AMPD3: variants seen among roughly 807,000 people sequenced by gnomAD.
AMPD3 encodes adenosine monophosphate deaminase 3, also known as AMP deaminase 3.
A neutral mutation model predicts 82.3 loss-of-function variants in AMPD3; 57 were observed. The observed-to-expected ratio is 0.69, with a 90% CI of 0.56 to 0.86. The LOEUF (loss-of-function observed/expected upper bound fraction) is 0.86, where lower values mean the gene tolerates loss of function less well. AMPD3 is among the 40% of genes least tolerant of loss of function. AMPD3 has a pLI of 0.00. For synonymous variants in AMPD3, 381 were observed against 394.7 expected (o/e 0.97, Z 0.41); for missense variants, 870 against 1,003.8 (o/e 0.87, Z 1.80).
chr11:10,460,688 C>T (rs1048617660), intron 1 of AMPD3, among the ~76,000 whole-genome samples: 6 of 152,132 alleles, frequency 3.9e-5, no homozygotes, highest in Non-Finnish European at 7.4e-5. Flanking sequence ...GGATTACAGG[C>T]GTGAGCCAAT....
intron 5 of AMPD3, among the ~76,000 whole-genome samples, chr11:10,485,445 A>G (rs916715479): frequency 1.3e-5 from 2 of 152,036 alleles, no homozygotes; most frequent in South Asian, 4.1e-4. Flanking sequence ...GGGTTTTGCC[A>G]TGTTGCCTAG....
chr11:10,506,326 C>A lies in AMPD3; in HGVS notation c.*442C>A. ...CTTAAACACAATCAATTTCAAAGCTCCATTTCATAAAGGGGCTACTTTGAA... is the reference window on the plus strand; with the variant it reads ...CTTAAACACAATCAATTTCAAAGCTACATTTCATAAAGGGGCTACTTTGAA... On this transcript the variant is annotated 3_prime_UTR_variant, in exon 15 of 15. Transcript: ENST00000396553. The surrounding 1 kb of genome is among the most constrained non-coding windows in gnomAD (Gnocchi z 4.1). The A allele has an allele frequency of 5.0e-6, 1 of 199,340 alleles. No individual in the cohort carries two copies. The highest frequency in any genetic ancestry group is 8.1e-5 in the South Asian group (1 of 12,354). The allele number at this position is 199,340 out of a possible 1,614,324, so 12.3% of individuals were successfully genotyped here.
At chr11:10,482,262 G>A (rs1249670653) in intron 4 of AMPD3, 37 bp downstream of exon 4, 3 of 1,606,524 alleles carry the variant, frequency 1.9e-6, no homozygotes, top group Non-Finnish European at 2.6e-6. Flanking sequence ...TCCCAAGTGT[G>A]GGCAGACCGA....
Position 10,455,299 on chromosome 11 carries a change from C to T in AMPD3, c.-155C>T. ...AGGGCAGATGAAGATCAGAGCTTTG[C>T]ACCCTGTGATGCCATTTTAATCAAC... is the stretch of plus-strand genomic sequence containing the variant. On this transcript the variant is annotated 5_prime_UTR_variant, in exon 1 of 15. Transcript: ENST00000396553. The T allele has an allele frequency of 2.0e-6, 2 of 985,488 alleles. No individual in the cohort carries two copies. Among genetic ancestry groups the T allele is most frequent in the African/African-American group, 1.7e-5 (1 of 57,362 alleles). 61.0% of individuals were successfully genotyped at this position (985,488 alleles called of 1,614,324 possible).
intron 2 of AMPD3, among the ~76,000 whole-genome samples, chr11:10,475,109 C>T (rs1848700557): frequency 6.6e-6 from 1 of 152,160 alleles, no homozygotes; most frequent in Non-Finnish European, 1.5e-5. Context: ...AGCATGGCAG[C>T]ATCTGCTTCT....
intron 2 of AMPD3, chr11:10,473,569 G>A: frequency 7.1e-6 from 7 of 985,422 alleles, no homozygotes; most frequent in Non-Finnish European, 8.4e-6. Flanking sequence ...CAAAGTGTTA[G>A]AATCAAAGTT....
chr11:10,487,746 T>C (rs1350387657), intron 6 of AMPD3, among the ~76,000 whole-genome samples: 1 of 152,178 alleles, frequency 6.6e-6, no homozygotes, highest in African/African-American at 2.4e-5. Flanking sequence ...TTAAGATCTC[T>C]TTGGTCCCCT....
intron 13 of AMPD3, 121 bp from the exon 14 acceptor site, chr11:10,504,428 G>T: frequency 9.2e-7 from 1 of 1,088,390 alleles, no homozygotes; most frequent in Non-Finnish European, 1.4e-6. Flanking sequence ...TGATGATCCA[G>T]GTGCCATTTA....
At chr11:10,486,748 T>C (rs1849082551) in intron 5 of AMPD3, 1 of 985,220 alleles carries the variant, frequency 1.0e-6, no homozygotes, top group Non-Finnish European at 1.2e-6. Flanking sequence ...TTATCAATCC[T>C]CTGGGCAACA....
chr11:10,461,708 G>T lies in AMPD3; in HGVS notation c.189G>T (p.Leu63=). 1.2e-6 allele frequency: 2 copies of T among 1,613,972 alleles called. No individual in the cohort carries two copies. The highest frequency in any genetic ancestry group is 1.7e-6 in the Non-Finnish European group (2 of 1,179,904). ...EAKERELQKE[L]AEQKSVETAK... ...AGGAGAGGGAGCTGCAGAAGGAGCT[G>T]GCAGAGCAGAAGTCTGTGGAGACCG... Residue 63 remains leucine (L), a synonymous_variant, in exon 2 of 15, where the codon CTG becomes CTT. Coordinates refer to ENST00000396553, the MANE Select transcript of AMPD3 (RefSeq NM_001025389.2).
chr11:10,469,897 G>A (rs1168795842), intron 2 of AMPD3, among the ~76,000 whole-genome samples: 13 of 151,142 alleles, frequency 8.6e-5, no homozygotes, highest in Admixed American at 3.9e-4. Context: ...AAAATTAGCC[G>A]GGCGTAGTGG....
At chr11:10,480,123 C>T (rs1848858927) in intron 3 of AMPD3, among the ~76,000 whole-genome samples, 2 of 152,246 alleles carry the variant, frequency 1.3e-5, no homozygotes, top group African/African-American at 4.8e-5. Context: ...GGCAACTGGT[C>T]CTCAGAAAGC....
upstream of AMPD3, among the ~76,000 whole-genome samples, chr11:10,451,673 G>C (rs1847967377): frequency 6.6e-6 from 1 of 152,200 alleles, no homozygotes; most frequent in African/African-American, 2.4e-5. Flanking sequence ...TCCCCAAACT[G>C]TATGTGGCTG....
rs910807499 is a variant in AMPD3, at chr11:10,485,925, G to A, written c.809+886G>A. 2.0e-5 allele frequency among the ~76,000 whole-genome samples: 3 copies of A among 152,238 alleles called. No individual in the cohort carries two copies. In the East Asian group the frequency reaches 5.8e-4, roughly 29 times the overall value. On this transcript the variant is annotated intron_variant, in intron 5 of 14. Coordinates refer to ENST00000396553, the MANE Select transcript of AMPD3 (RefSeq NM_001025389.2). ...GCCTCAGAGTGGCTGTGCTGGGAGTGGGAGTCTGGGTGAGAGGAGGTGCTA... is the reference window on the plus strand; with the variant it reads ...GCCTCAGAGTGGCTGTGCTGGGAGTAGGAGTCTGGGTGAGAGGAGGTGCTA...
At chr11:10,485,188 C>T (rs1009398698) in intron 5 of AMPD3, 149 bp downstream of exon 5, 31 of 735,508 alleles carry the variant, frequency 4.2e-5, no homozygotes, top group African/African-American at 5.3e-5. Flanking sequence ...CAGTGCTTTG[C>T]GGGTTTCTGC....
chr11:10,453,944 G>A (rs75187250), upstream of AMPD3, among the ~76,000 whole-genome samples: 299 of 152,292 alleles, frequency 2.0e-3, 1 homozygote, highest in Admixed American at 3.9e-3. Context: ...TTTAGAGTTT[G>A]TAAGGGGTGC....
intron 14 of AMPD3, 127 bp downstream of exon 14, chr11:10,504,786 A>G (rs1849672453): frequency 1.1e-6 from 1 of 898,950 alleles, no homozygotes; most frequent in South Asian, 1.4e-5. Context: ...ACTCAGGCAC[A>G]GGGAGAGAAG....
chr11:10,495,251 C>A, intron 8 of AMPD3: 1 of 985,446 alleles, frequency 1.0e-6, no homozygotes, highest in Non-Finnish European at 1.2e-6. Flanking sequence ...AGGGTATCCA[C>A]CTTGGCCAAG....
chr11:10,450,581 G>A, upstream of AMPD3: 1 of 987,864 alleles, frequency 1.0e-6, no homozygotes, highest in Non-Finnish European at 1.2e-6. Context: ...GAGGTCTGGG[G>A]AGCCCGGCTG....
Sources: gnomAD v4.1 joint callset for allele counts (sites outside exome capture counted in the v4.1 genomes callset) on GRCh38, gnomAD v4.1.1 for gene constraint, Gnocchi (gnomAD v3.1) non-coding constraint, MANE v1.5 for transcripts, NCBI Gene and HGNC (gene_info 2026-07-23, HGNC 2026-07-21) for gene names.